Variants in CHMP4B observed in about 807,000 individuals in gnomAD.
CHMP4B encodes the protein charged multivesicular body protein 4B, also known as SNF7 homolog associated with Alix 1.
Under a neutral mutation model 25.1 loss-of-function variants are expected in CHMP4B, and 1 was observed. That is an observed-to-expected ratio of 0.04 (90% CI 0.01 to 0.19). The LOEUF (loss-of-function observed/expected upper bound fraction) is 0.19, where lower values mean the gene tolerates loss of function less well. Among genes scored for constraint, CHMP4B ranks in the 10% least tolerant of loss-of-function variants. The pLI is 1.00. For missense variants in CHMP4B, 151 were observed against 289.7 expected, an observed-to-expected ratio of 0.52 and a Z score of 3.48; for synonymous variants, 101 against 115.6, an observed-to-expected ratio of 0.87 and a Z score of 0.81.
chr20:33,841,520 C>G (rs1379123707), intron 1 of CHMP4B, among the ~76,000 whole-genome samples: 1 of 152,212 alleles, frequency 6.6e-6, no homozygotes, highest in East Asian at 1.9e-4. Flanking sequence ...ACAAAACAGC[C>G]TCTGTCTGGG....
chr20:33,853,183 C>T (rs945317364), intron 4 of CHMP4B, among the ~76,000 whole-genome samples: 2 of 152,144 alleles, frequency 1.3e-5, no homozygotes, highest in East Asian at 3.9e-4. Flanking sequence ...GGGTTCTTCC[C>T]ACTCTCCTCC....
At chr20:33,849,564 C>T (rs185277729) in intron 2 of CHMP4B, among the ~76,000 whole-genome samples, 24 of 152,250 alleles carry the variant, frequency 1.6e-4, no homozygotes, top group African/African-American at 5.5e-4. Flanking sequence ...CACCACTGCA[C>T]TCCAGCCTGG....
intron 1 of CHMP4B, among the ~76,000 whole-genome samples, chr20:33,821,156 A>T (rs2122785405): frequency 1.3e-5 from 2 of 151,586 alleles, no homozygotes; most frequent in East Asian, 3.9e-4. Flanking sequence ...GGAGGCTGAG[A>T]TGGGCGGATT....
At chr20:33,833,828 C>T (rs1179883523) in intron 1 of CHMP4B, among the ~76,000 whole-genome samples, 1 of 152,192 alleles carries the variant, frequency 6.6e-6, no homozygotes, top group African/African-American at 2.4e-5. Flanking sequence ...CTGTGCTGAC[C>T]TCTGTCATGT....
chr20:33,830,390 G>A (rs1320993558), intron 1 of CHMP4B, among the ~76,000 whole-genome samples: 1 of 152,166 alleles, frequency 6.6e-6, no homozygotes, highest in African/African-American at 2.4e-5. Flanking sequence ...TAGTTAGCTT[G>A]GGCTGCCATA....
intron 1 of CHMP4B, among the ~76,000 whole-genome samples, chr20:33,844,374 A>G (rs569895572): frequency 6.6e-6 from 1 of 152,234 alleles, no homozygotes; most frequent in Non-Finnish European, 1.5e-5. Flanking sequence ...GATACTAAGC[A>G]CTTACTGTGT....
At chr20:33,834,630 G>A (rs1465701547) in intron 1 of CHMP4B, among the ~76,000 whole-genome samples, 1 of 152,094 alleles carries the variant, frequency 6.6e-6, no homozygotes, top group East Asian at 1.9e-4. Context: ...CACATTGGTG[G>A]CATCCCACAA....
intron 1 of CHMP4B, among the ~76,000 whole-genome samples, chr20:33,835,083 A>G (rs1979356144): frequency 6.6e-6 from 1 of 152,214 alleles, no homozygotes; most frequent in South Asian, 2.1e-4. Context: ...AGCGTGAGCC[A>G]TCGCACCTGG....
chr20:33,836,352 T>G (rs1242863968), intron 1 of CHMP4B, among the ~76,000 whole-genome samples: 1 of 151,868 alleles, frequency 6.6e-6, no homozygotes, highest in Non-Finnish European at 1.5e-5. Context: ...CTTTTGGGTC[T>G]TGGGTCTAAG....
chr20:33,833,956 A>G (rs1292597242), intron 1 of CHMP4B, among the ~76,000 whole-genome samples: 3 of 152,248 alleles, frequency 2.0e-5, no homozygotes, highest in Non-Finnish European at 4.4e-5. Context: ...GTACAGTAGA[A>G]TGAGCAAAGG....
intron 1 of CHMP4B, among the ~76,000 whole-genome samples, chr20:33,845,664 G>A (rs915494872): frequency 1.3e-5 from 2 of 152,212 alleles, no homozygotes; most frequent in Admixed American, 6.5e-5. Flanking sequence ...TGGACTGTGG[G>A]TGATGGAGCT....
chr20:33,818,794 C>T (rs1978852743), intron 1 of CHMP4B, among the ~76,000 whole-genome samples: 1 of 152,202 alleles, frequency 6.6e-6, no homozygotes, highest in South Asian at 2.1e-4. Flanking sequence ...ATGTCTCAAG[C>T]CTGCACTTCT....
chr20:33,843,804 T>A (rs950006348), intron 1 of CHMP4B, among the ~76,000 whole-genome samples: 1 of 152,226 alleles, frequency 6.6e-6, no homozygotes, highest in African/African-American at 2.4e-5. Flanking sequence ...AGGAGGTGGT[T>A]CAAGTGCTGT....
At chr20:33,824,972 T>C (rs1168846268) in intron 1 of CHMP4B, among the ~76,000 whole-genome samples, 3 of 152,064 alleles carry the variant, frequency 2.0e-5, no homozygotes, top group Non-Finnish European at 4.4e-5. Flanking sequence ...CAGGGCTGGG[T>C]GGAGCCTGCT....
chr20:33,834,317 T>C (rs1979333384), intron 1 of CHMP4B, among the ~76,000 whole-genome samples: 1 of 152,134 alleles, frequency 6.6e-6, no homozygotes, highest in Non-Finnish European at 1.5e-5. Flanking sequence ...TTTGTATTTG[T>C]ATTTTTTTTT....
intron 4 of CHMP4B, 93 bp downstream of exon 4, chr20:33,852,296 T>C (rs1369594133): frequency 3.4e-6 from 5 of 1,489,678 alleles, no homozygotes; most frequent in Non-Finnish European, 4.7e-6. Flanking sequence ...TTGGCTTTGG[T>C]TTGTGGTCGG....
At chr20:33,822,680 G>C (rs2122786803) in intron 1 of CHMP4B, among the ~76,000 whole-genome samples, 1 of 152,358 alleles carries the variant, frequency 6.6e-6, no homozygotes, top group Non-Finnish European at 1.5e-5. Context: ...CAGGGCTGCA[G>C]GGCTCACAGC....
At chr20:33,834,882 A>G (rs538798373) in intron 1 of CHMP4B, among the ~76,000 whole-genome samples, 181 of 152,130 alleles carry the variant, frequency 1.2e-3, no homozygotes, top group African/African-American at 4.1e-3. Context: ...TGACTGCAAT[A>G]ACCTCCACCT....
intron 1 of CHMP4B, among the ~76,000 whole-genome samples, chr20:33,847,485 C>A (rs1979718048): frequency 6.6e-6 from 1 of 152,074 alleles, no homozygotes; most frequent in Non-Finnish European, 1.5e-5. Flanking sequence ...AAGAGTGGAA[C>A]TGAGACCGTG....
Sources: allele counts gnomAD v4.1 joint callset (sites outside exome capture counted in the v4.1 genomes callset), GRCh38; gene constraint gnomAD v4.1.1; transcripts MANE v1.5; gene names NCBI Gene and HGNC (gene_info 2026-07-23, HGNC 2026-07-21).